NUDT9: variants seen among roughly 807,000 people sequenced by gnomAD.
The protein encoded by NUDT9 is nudix hydrolase 9.
Under a neutral mutation model 41.0 loss-of-function variants are expected in NUDT9, and 31 were observed. The ratio of observed to expected loss-of-function variants is 0.76; its 90% CI spans 0.57 to 1.02. The LOEUF (loss-of-function observed/expected upper bound fraction) is 1.02, where lower values mean the gene tolerates loss of function less well. Among genes scored for constraint, NUDT9 ranks in the 50% least tolerant of loss-of-function variants. NUDT9 has a pLI of 0.00. For missense variants in NUDT9, 380 were observed against 431.4 expected, an observed-to-expected ratio of 0.88 and a Z score of 1.06; for synonymous variants, 146 against 147.6, an observed-to-expected ratio of 0.99 and a Z score of 0.08.
intron 2 of NUDT9, among the ~76,000 whole-genome samples, chr4:87,437,550 G>T (rs1405360748): frequency 1.3e-5 from 2 of 151,618 alleles, no homozygotes; most frequent in Non-Finnish European, 2.9e-5. Flanking sequence ...CACCATGTTA[G>T]CCAGGATGGT....
chr4:87,434,373 T>C (rs991664823), intron 1 of NUDT9: 2 of 149,942 alleles, frequency 1.3e-5, no homozygotes, highest in Non-Finnish European at 3.0e-5. Flanking sequence ...TGAGTTTTCA[T>C]AACAAACTTC....
intron 1 of NUDT9, among the ~76,000 whole-genome samples, chr4:87,425,954 G>A (rs760975072): frequency 9.2e-5 from 14 of 151,750 alleles, no homozygotes; most frequent in Admixed American, 2.6e-4. Context: ...CTACCGGTGC[G>A]CACTACCAGG....
intron 1 of NUDT9, among the ~76,000 whole-genome samples, chr4:87,431,709 T>C (rs189003001): frequency 6.6e-6 from 1 of 152,306 alleles, no homozygotes; most frequent in East Asian, 1.9e-4. Context: ...TGTTAATTAT[T>C]AGTGCTTTGT....
Position 87,422,910 on chromosome 4 carries a change from C to G in NUDT9, c.5C>G (p.Ala2Gly). Residue 2 changes from alanine to glycine, a missense_variant, in exon 1 of 8, where the codon GCG becomes GGG. Coordinates refer to ENST00000302174, the MANE Select transcript of NUDT9 (RefSeq NM_024047.5). Reference sequence around the variant, plus strand: ...AAAGCCGCCCTCGGGGCGCTCATGGCGGGACGCCTCCTGGGAAAGGCTTTA... The same window carrying G: ...AAAGCCGCCCTCGGGGCGCTCATGGGGGGACGCCTCCTGGGAAAGGCTTTA... M[A>G]GRLLGKALAA... 6.2e-7 allele frequency: 1 copy of G among 1,609,366 alleles called. No homozygotes were observed. The highest frequency in any genetic ancestry group is 8.5e-7 in the Non-Finnish European group (1 of 1,179,304).
intron 2 of NUDT9, among the ~76,000 whole-genome samples, chr4:87,438,012 T>C (rs1722029951): frequency 6.6e-6 from 1 of 152,196 alleles, no homozygotes. Flanking sequence ...CTAGCTCTTC[T>C]GCTGGTAGTC....
intron 1 of NUDT9, 51 bp from the exon 2 acceptor site, chr4:87,434,930 A>G (rs1721852289): frequency 7.2e-6 from 11 of 1,523,608 alleles, no homozygotes; most frequent in Non-Finnish European, 9.8e-6. Flanking sequence ...AGGTTCTTTA[A>G]TTAATATATT....
At position 87,437,555 on chromosome 4, in the gene NUDT9, G is replaced by A. The variant is rs1377391873; in HGVS notation, c.348-722G>A. 4.5e-3 allele frequency among the ~76,000 whole-genome samples: 659 copies of A among 147,912 alleles called. 40 individuals are homozygous for A. Among genetic ancestry groups the A allele is most frequent in the African/African-American group, 0.017 (633 of 37,602 alleles). On this transcript the variant is annotated intron_variant, in intron 2 of 7. Coordinates refer to ENST00000302174, the MANE Select transcript of NUDT9 (RefSeq NM_024047.5). ...GATGGGGTTCCACCATGTTAGCCAGGATGGTCTTGATCTCCTGACCTTGTG... is the reference window on the plus strand; with the variant it reads ...GATGGGGTTCCACCATGTTAGCCAGAATGGTCTTGATCTCCTGACCTTGTG...
At position 87,459,159 on chromosome 4, in the gene NUDT9, G is replaced by A. The variant is rs1012270874; in HGVS notation, c.*1138G>A. ...CTCTGAAAAGACATGGGTGGAGCTGGAGGCCATTATCCTTAGCAAACTAAT... is the reference window on the plus strand; with the variant it reads ...CTCTGAAAAGACATGGGTGGAGCTGAAGGCCATTATCCTTAGCAAACTAAT... On this transcript the variant is annotated 3_prime_UTR_variant, in exon 8 of 8. Coordinates refer to ENST00000302174, the MANE Select transcript of NUDT9 (RefSeq NM_024047.5). 3 of 152,206 alleles carry A rather than the reference G, an allele frequency of 2.0e-5. No individual in the cohort carries two copies. The highest frequency in any genetic ancestry group is 1.3e-4 in the Admixed American group (2 of 15,282). 9.4% of individuals were successfully genotyped at this position (152,206 alleles called of 1,614,324 possible). A position where few individuals can be genotyped will look rare whatever the true frequency, so the allele number is the denominator to read the frequency against.
chr4:87,446,011 A>C (rs1578076159), intron 4 of NUDT9, among the ~76,000 whole-genome samples: 2 of 147,234 alleles, frequency 1.4e-5, no homozygotes, highest in Admixed American at 6.9e-5. Flanking sequence ...CAGTCCTCCC[A>C]CCTCGGCTTC....
At chr4:87,437,592 T>C (rs529366403) in intron 2 of NUDT9, among the ~76,000 whole-genome samples, 5 of 152,162 alleles carry the variant, frequency 3.3e-5, no homozygotes, top group Non-Finnish European at 5.9e-5. Context: ...TCTGCCCACC[T>C]TGGCCTCCCA....
At chr4:87,436,455 T>A (rs1173781785) in intron 2 of NUDT9, among the ~76,000 whole-genome samples, 1 of 152,092 alleles carries the variant, frequency 6.6e-6, no homozygotes, top group Non-Finnish European at 1.5e-5. Context: ...GGACTACAGG[T>A]GTGTGCCACC....
At chr4:87,435,983 A>G (rs1289819255) in intron 2 of NUDT9, among the ~76,000 whole-genome samples, 2 of 151,872 alleles carry the variant, frequency 1.3e-5, no homozygotes, top group Non-Finnish European at 1.5e-5. Context: ...TTTCAAGTAT[A>G]CAATACTGTA....
intron 4 of NUDT9, among the ~76,000 whole-genome samples, chr4:87,444,940 G>C (rs376473359): frequency 6.6e-6 from 1 of 152,126 alleles, no homozygotes; most frequent in Non-Finnish European, 1.5e-5. Flanking sequence ...TAATAGTAAT[G>C]CATTAATTAA....
intron 2 of NUDT9, among the ~76,000 whole-genome samples, chr4:87,437,564 G>C (rs1014495963): frequency 3.9e-5 from 6 of 151,910 alleles, no homozygotes; most frequent in South Asian, 2.1e-4. Context: ...GGATGGTCTT[G>C]ATCTCCTGAC....
At chr4:87,454,957 TATG>T (rs900174978) in intron 7 of NUDT9, among the ~76,000 whole-genome samples, 25 of 152,348 alleles carry the variant, frequency 1.6e-4, no homozygotes, top group African/African-American at 6.0e-4. Context: ...TTTAAAATTT[TATG>T]AGGAGGGTCA....
At chr4:87,440,628 G>A (rs1344177015) in intron 3 of NUDT9, among the ~76,000 whole-genome samples, 1 of 152,004 alleles carries the variant, frequency 6.6e-6, no homozygotes, top group Non-Finnish European at 1.5e-5. Context: ...CGGGTGGATC[G>A]TGAGGTCAGG....
chr4:87,424,404 C>T (rs1418243509), intron 1 of NUDT9, among the ~76,000 whole-genome samples: 2 of 151,936 alleles, frequency 1.3e-5, no homozygotes, highest in South Asian at 2.1e-4. Context: ...AGATTACTGG[C>T]GCGCGCACGC....
intron 3 of NUDT9, among the ~76,000 whole-genome samples, chr4:87,440,226 T>C (rs915888123): frequency 6.6e-6 from 1 of 152,192 alleles, no homozygotes. Context: ...TTAGCTTGCC[T>C]GAGCAAAAGT....
rs759014771 is a variant in NUDT9 at position 87,422,882 on chromosome 4, C to T, written c.-24C>T. 3.8e-6 allele frequency: 6 copies of T among 1,596,960 alleles called. No individual in the cohort carries two copies. The Admixed American group carries it at 6.7e-5, about 18-fold the overall frequency. On this transcript the variant is annotated 5_prime_UTR_variant, in exon 1 of 8. Transcript: ENST00000302174. ...GCACCAACTAAGAGCGACCTAGCATCGCAAAGCCGCCCTCGGGGCGCTCAT... is the reference window on the plus strand; with the variant it reads ...GCACCAACTAAGAGCGACCTAGCATTGCAAAGCCGCCCTCGGGGCGCTCAT...
Sources: gnomAD v4.1 joint callset for allele counts (sites outside exome capture counted in the v4.1 genomes callset) on GRCh38, gnomAD v4.1.1 for gene constraint, MANE v1.5 for transcripts, NCBI Gene and HGNC (gene_info 2026-07-23, HGNC 2026-07-21) for gene names.